CENPW: variants seen among roughly 807,000 people sequenced by gnomAD.
CENPW encodes cancer-up-regulated gene 2 protein.
A neutral mutation model predicts 11.1 loss-of-function variants in CENPW; 3 were observed. The observed-to-expected ratio is 0.27, with a 90% CI of 0.12 to 0.70. The LOEUF (loss-of-function observed/expected upper bound fraction) is 0.70. Ranked by LOEUF, CENPW falls within the 30% of genes least tolerant of loss-of-function variation. The pLI is 0.77. For synonymous variants in CENPW, 38 were observed against 42.0 expected (o/e 0.91, Z 0.37); for missense variants, 100 against 105.6 (o/e 0.95, Z 0.23).
the CENPW span, among the ~76,000 whole-genome samples, chr6:126,453,483 A>G: frequency 4.8e-4 from 73 of 151,286 alleles, no homozygotes; most frequent in African/African-American, 1.7e-3. Flanking sequence ...GAGAAATAAG[A>G]TCCTTTTTAG....
chr6:126,429,364 G>A, the CENPW span, among the ~76,000 whole-genome samples: 1 of 152,128 alleles, frequency 6.6e-6, no homozygotes, highest in East Asian at 1.9e-4. Context: ...CAATGTTGGA[G>A]GTGGGACCTA....
At chr6:126,342,674 G>A (rs1182724447) in intron 1 of CENPW, among the ~76,000 whole-genome samples, 2 of 152,004 alleles carry the variant, frequency 1.3e-5, no homozygotes, top group African/African-American at 2.4e-5. Flanking sequence ...CCTTAGAAAG[G>A]ATCAATCTTA....
chr6:126,453,967 A>G, the CENPW span, among the ~76,000 whole-genome samples: 1 of 151,306 alleles, frequency 6.6e-6, no homozygotes, highest in Admixed American at 6.6e-5. Context: ...AAAAACAACA[A>G]CATAAAGAAG....
chr6:126,442,059 A>T, the CENPW span, among the ~76,000 whole-genome samples: 1 of 151,656 alleles, frequency 6.6e-6, no homozygotes, highest in African/African-American at 2.4e-5. Flanking sequence ...ACCAGTTTAC[A>T]TTCCCACTAA....
chr6:126,423,589 C>T, the CENPW span, among the ~76,000 whole-genome samples: 3 of 151,692 alleles, frequency 2.0e-5, no homozygotes, highest in Non-Finnish European at 4.4e-5. Context: ...AAAATGTTGG[C>T]AATGGTGAAA....
chr6:126,468,263 A>G, the CENPW span, among the ~76,000 whole-genome samples: 1 of 152,034 alleles, frequency 6.6e-6, no homozygotes, highest in East Asian at 1.9e-4. Flanking sequence ...TCTACTAAAA[A>G]TACAAAATTA....
At chr6:126,419,336 G>A in the CENPW span, among the ~76,000 whole-genome samples, 1 of 152,108 alleles carries the variant, frequency 6.6e-6, no homozygotes, top group Admixed American at 6.6e-5. Flanking sequence ...AAGGTTTGAT[G>A]TCTAGGGAGA....
the CENPW span, among the ~76,000 whole-genome samples, chr6:126,417,068 C>T: frequency 1.3e-5 from 2 of 152,220 alleles, no homozygotes; most frequent in African/African-American, 4.8e-5. Flanking sequence ...TTCAAAGCCA[C>T]AGGGGTGGAG....
At chr6:126,480,950 G>T in the CENPW span, among the ~76,000 whole-genome samples, 3 of 151,748 alleles carry the variant, frequency 2.0e-5, no homozygotes, top group South Asian at 2.1e-4. Flanking sequence ...TTACCCCAGG[G>T]AAAATAAAAT....
chr6:126,418,734 T>G, the CENPW span, among the ~76,000 whole-genome samples: 2 of 151,996 alleles, frequency 1.3e-5, no homozygotes, highest in Non-Finnish European at 2.9e-5. Context: ...GGGGTTAATA[T>G]TATACATGAT....
the CENPW span, among the ~76,000 whole-genome samples, chr6:126,458,195 A>T: frequency 6.6e-6 from 1 of 151,226 alleles, no homozygotes; most frequent in African/African-American, 2.4e-5. Context: ...TTCTCCACCC[A>T]TTTCCCATCA....
chr6:126,443,293 A>T, the CENPW span, among the ~76,000 whole-genome samples: 1 of 151,248 alleles, frequency 6.6e-6, no homozygotes, highest in Non-Finnish European at 1.5e-5. Flanking sequence ...ATTTATTTGT[A>T]GAAGAAACTG....
At chr6:126,384,688 A>C in the CENPW span, among the ~76,000 whole-genome samples, 1 of 152,160 alleles carries the variant, frequency 6.6e-6, no homozygotes, top group Non-Finnish European at 1.5e-5. Flanking sequence ...CAATCTAGGC[A>C]ATACCATTCT....
At chr6:126,471,666 C>A in the CENPW span, among the ~76,000 whole-genome samples, 5 of 152,024 alleles carry the variant, frequency 3.3e-5, no homozygotes, top group Non-Finnish European at 5.9e-5. Flanking sequence ...TGATGAATCT[C>A]AGAAATATAA....
At chr6:126,437,197 C>G in the CENPW span, among the ~76,000 whole-genome samples, 1 of 151,734 alleles carries the variant, frequency 6.6e-6, no homozygotes, top group Non-Finnish European at 1.5e-5. Context: ...GTTTCTTAAA[C>G]AAATGTGTTT....
the CENPW span, among the ~76,000 whole-genome samples, chr6:126,386,837 G>A: frequency 7.5e-3 from 1,135 of 151,982 alleles, 2 homozygotes; most frequent in Middle Eastern, 0.027. Context: ...ATCTTGATAA[G>A]TACAATAATT....
At chr6:126,421,586 T>C in the CENPW span, among the ~76,000 whole-genome samples, 3 of 151,044 alleles carry the variant, frequency 2.0e-5, no homozygotes, top group Admixed American at 6.6e-5. Context: ...CACTTTCTTT[T>C]TTTTTTTTTT....
At chr6:126,433,908 T>C in the CENPW span, among the ~76,000 whole-genome samples, 1 of 152,132 alleles carries the variant, frequency 6.6e-6, no homozygotes, top group African/African-American at 2.4e-5. Context: ...TATGCCTTTA[T>C]ATATACATAA....
chr6:126,418,090 C>G, the CENPW span, among the ~76,000 whole-genome samples: 1 of 152,122 alleles, frequency 6.6e-6, no homozygotes, highest in Non-Finnish European at 1.5e-5. Flanking sequence ...AAAAGATAGA[C>G]AATACCAAGT....
Sources: allele counts gnomAD v4.1 joint callset (sites outside exome capture counted in the v4.1 genomes callset), GRCh38; gene constraint gnomAD v4.1.1; transcripts MANE v1.5; gene names NCBI Gene and HGNC (gene_info 2026-07-23, HGNC 2026-07-21).